The following HIF3A variants were observed in gnomAD, a reference collection of about 807,000 sequenced individuals.
HIF3A encodes the protein hypoxia inducible factor 3 subunit alpha.
Under a neutral mutation model 67.2 loss-of-function variants are expected in HIF3A, and 41 were observed. That is an observed-to-expected ratio of 0.61 (90% CI 0.48 to 0.79). The LOEUF is 0.79. HIF3A is among the 30% of genes least tolerant of loss of function. The probability of loss-of-function intolerance (pLI) is 0.00; values close to 1 mark genes in which losing one functional copy is unlikely to be tolerated. For synonymous variants in HIF3A, 356 were observed against 374.8 expected, an observed-to-expected ratio of 0.95 and a Z score of 0.58; for missense variants, 855 against 898.0, an observed-to-expected ratio of 0.95 and a Z score of 0.61.
At chr19:46,315,735 G>A (rs963458081) in intron 8 of HIF3A, among the ~76,000 whole-genome samples, 20 of 152,156 alleles carry the variant, frequency 1.3e-4, no homozygotes, top group African/African-American at 4.1e-4. Context: ...CCAACATGGC[G>A]AAACACCGTC....
chr19:46,303,614 G>C, intron 1 of HIF3A: 1 of 1,565,140 alleles, frequency 6.4e-7, no homozygotes, highest in Non-Finnish European at 8.7e-7. Flanking sequence ...AGTCAGGGAG[G>C]GGACAGAGCG....
At chr19:46,313,267 AAAC>A in intron 8 of HIF3A, 1 of 972,826 alleles carries the variant, frequency 1.0e-6, no homozygotes, top group Non-Finnish European at 1.2e-6. Context: ...ACAAACAAAC[AAAC>A]AAACAAAAGG....
intron 1 of HIF3A, among the ~76,000 whole-genome samples, chr19:46,301,889 G>T (rs1968371271): frequency 6.6e-6 from 1 of 151,376 alleles, no homozygotes; most frequent in Non-Finnish European, 1.5e-5. Context: ...TCCCTCCTAG[G>T]GGTCCCCTGA....
At chr19:46,303,438 A>T (rs2147118087) in intron 1 of HIF3A, among the ~76,000 whole-genome samples, 1 of 152,254 alleles carries the variant, frequency 6.6e-6, no homozygotes, top group Non-Finnish European at 1.5e-5. Context: ...AAAAGGGCAG[A>T]GGAGGTGATT....
intron 13 of HIF3A, among the ~76,000 whole-genome samples, chr19:46,333,561 C>T (rs1284055603): frequency 6.6e-6 from 1 of 152,046 alleles, no homozygotes; most frequent in Non-Finnish European, 1.5e-5. Flanking sequence ...GTCACGGTCT[C>T]TGTGTACAGG....
intron 10 of HIF3A, among the ~76,000 whole-genome samples, chr19:46,323,039 A>G (rs1182884324): frequency 1.4e-5 from 1 of 69,108 alleles, no homozygotes; most frequent in Non-Finnish European, 3.1e-5. Context: ...CTCTGGGGAC[A>G]GTGGTTTTTT....
intron 5 of HIF3A, 103 bp downstream of exon 5, chr19:46,308,878 A>G: frequency 1.2e-6 from 1 of 806,064 alleles, no homozygotes; most frequent in South Asian, 1.7e-5. Flanking sequence ...TAGGCTGGGG[A>G]CCCTGCGGGG....
intron 11 of HIF3A, 92 bp downstream of exon 11, chr19:46,325,731 GGAAT>G (rs1478656692): frequency 1.2e-6 from 1 of 801,490 alleles, no homozygotes; most frequent in African/African-American, 1.7e-5. Context: ...GATGGTTAAA[GGAAT>G]GAATGGATGG....
chr19:46,338,839 A>T (rs1033310653), intron 14 of HIF3A, among the ~76,000 whole-genome samples: 2 of 152,154 alleles, frequency 1.3e-5, no homozygotes, highest in African/African-American at 4.8e-5. Flanking sequence ...TGAACACCCC[A>T]GAGAGGTTCA....
At chr19:46,330,675 G>A (rs1325391033) in intron 12 of HIF3A, among the ~76,000 whole-genome samples, 3 of 151,028 alleles carry the variant, frequency 2.0e-5, no homozygotes, top group African/African-American at 4.9e-5. Flanking sequence ...TGGATGGATG[G>A]CAGATGGATG....
At chr19:46,310,444 C>T (rs1398824162) in intron 6 of HIF3A, 2 of 310,810 alleles carry the variant, frequency 6.4e-6, no homozygotes, top group South Asian at 2.6e-5. Flanking sequence ...TTTGTTCACC[C>T]TCTATCCTTC....
chr19:46,308,815 G>A (rs1310914866), intron 5 of HIF3A, 40 bp downstream of exon 5: 1 of 1,346,988 alleles, frequency 7.4e-7, no homozygotes. Context: ...GGACGCTGGG[G>A]CTGGGTGTGA....
intron 13 of HIF3A, among the ~76,000 whole-genome samples, chr19:46,333,382 G>A (rs1971374641): frequency 6.6e-6 from 1 of 152,170 alleles, no homozygotes; most frequent in Non-Finnish European, 1.5e-5. Flanking sequence ...TGGCCTGAAG[G>A]TGCAGGGCGG....
chr19:46,298,363 G>GCCCCCCCCCCCC, intron 1 of HIF3A: 1 of 1,256,678 alleles, frequency 8.0e-7, no homozygotes, highest in Non-Finnish European at 1.0e-6. Context: ...GAGCTCGGGT[G>GCCCCCCCCCCCC]CCCCCCCTCC....
rs549485889 is a variant in HIF3A at position 46,320,458 on chromosome 19, C to T, written c.1041C>T (p.Thr347=). 4.0e-5 allele frequency: 64 copies of T among 1,613,982 alleles called. No homozygotes were observed. Among genetic ancestry groups the T allele is most frequent in the East Asian group, 1.6e-4 (7 of 44,858 alleles). The change falls in exon 9 of 15, where the codon ACC becomes ACT. Residue 347 remains threonine, a synonymous_variant. Transcript: ENST00000377670. ...TGTACCCCAGCCAGGTGGAAGAGAC[C>T]GGAGTGGTGCTGTCCCTGGAGCAAA... ...VHFLISQVEE[T]GVVLSLEQTE...
In HIF3A at chr19:46,304,053, T is replaced by C; in HGVS notation, c.182T>C (p.Ile61Thr). The C allele has an allele frequency of 6.3e-7, 1 of 1,583,326 alleles. No individual in the cohort carries two copies. Among genetic ancestry groups the C allele is most frequent in the Non-Finnish European group, 8.6e-7 (1 of 1,165,632 alleles). Residue 61 changes from isoleucine to threonine, a missense_variant, in exon 2 of 15, where the codon ATC becomes ACC. By Grantham distance (89) the Ile-to-Thr change is moderately conservative (BLOSUM62 -1). Coordinates refer to ENST00000377670, the MANE Select transcript of HIF3A (RefSeq NM_152795.4). The part of the protein sequence containing the change: ...LDKASIMRLT[I>T]SYLRMHRLCA... ...AAGGCCTCTATCATGCGCCTCACCA[T>C]CAGCTACCTGCGCATGCACCGCCTC...
intron 13 of HIF3A, among the ~76,000 whole-genome samples, chr19:46,331,990 G>A (rs1306192873): frequency 6.6e-6 from 1 of 152,090 alleles, no homozygotes; most frequent in Non-Finnish European, 1.5e-5. Flanking sequence ...ACTAGAACAG[G>A]TCTTGGCCTT....
chr19:46,317,686 T>C (rs569652684), intron 8 of HIF3A, among the ~76,000 whole-genome samples: 18 of 152,290 alleles, frequency 1.2e-4, no homozygotes, highest in African/African-American at 3.4e-4. Flanking sequence ...TTTTCTCTCC[T>C]GGTGTCCTGT....
At position 46,312,599 on chromosome 19, in the gene HIF3A, CAG is replaced by C. The variant is rs1555780860; in HGVS notation, c.972_973del (p.Gly326ThrfsTer50). 1 of 1,600,046 alleles carries C rather than the reference CAG, an allele frequency of 6.2e-7. No individual in the cohort carries two copies. On this transcript the variant is annotated frameshift_variant, in exon 8 of 15. Transcript: ENST00000377670. LOFTEE classifies it high-confidence loss of function. The stretch of plus-strand genomic sequence containing the variant: ...ACCCAGACCCAGGCCACAGTGGTGT[CAG>C]GGGGACGGGGCCCCCAGTCGGAGAG...
Sources: gnomAD v4.1 joint callset for allele counts (sites outside exome capture counted in the v4.1 genomes callset) on GRCh38, gnomAD v4.1.1 for gene constraint, MANE v1.5 for transcripts, NCBI Gene and HGNC (gene_info 2026-07-23, HGNC 2026-07-21) for gene names.